The following AGTPBP1 variants were observed in gnomAD, a reference collection of about 807,000 sequenced individuals.
AGTPBP1 encodes the protein cytosolic carboxypeptidase 1.
A neutral mutation model predicts 143.9 loss-of-function variants in AGTPBP1; 70 were observed. That is an observed-to-expected ratio of 0.49 (90% CI 0.40 to 0.59). AGTPBP1 has a LOEUF of 0.59. AGTPBP1 is among the 20% of genes least tolerant of loss of function. The pLI is 0.00. For missense variants in AGTPBP1, 1,229 were observed against 1,464.5 expected (o/e 0.84, Z 2.62); for synonymous variants, 463 against 500.2 (o/e 0.93, Z 0.99).
chr9:85,802,228 T>C, the AGTPBP1 span, among the ~76,000 whole-genome samples: 2 of 152,062 alleles, frequency 1.3e-5, no homozygotes, highest in African/African-American at 4.8e-5. Context: ...AAACACCAAT[T>C]CAGTCACTCT....
chr9:85,605,123 T>C (rs1829913346), intron 17 of AGTPBP1, among the ~76,000 whole-genome samples: 1 of 152,118 alleles, frequency 6.6e-6, no homozygotes, highest in African/African-American at 2.4e-5. Context: ...GATATCAACA[T>C]TCAAGTACAA....
At chr9:85,556,632 G>A (rs1826360458) in intron 25 of AGTPBP1, among the ~76,000 whole-genome samples, 1 of 152,060 alleles carries the variant, frequency 6.6e-6, no homozygotes, top group South Asian at 2.1e-4. Context: ...GGATGGAAAA[G>A]ATATTATGCA....
chr9:85,695,657 A>T (rs1193904965), intron 2 of AGTPBP1, among the ~76,000 whole-genome samples: 1 of 152,216 alleles, frequency 6.6e-6, no homozygotes, highest in Non-Finnish European at 1.5e-5. Flanking sequence ...TGTGTGCATA[A>T]AATCATTTCT....
intron 8 of AGTPBP1, among the ~76,000 whole-genome samples, chr9:85,666,186 C>G (rs1834121480): frequency 6.6e-6 from 1 of 152,072 alleles, no homozygotes; most frequent in African/African-American, 2.4e-5. Context: ...CATCTACTTT[C>G]AATTCTGGGT....
chr9:85,690,559 A>G (rs1354895634), intron 3 of AGTPBP1, among the ~76,000 whole-genome samples: 1 of 150,866 alleles, frequency 6.6e-6, no homozygotes, highest in Admixed American at 6.6e-5. Flanking sequence ...TGGTGGAAAG[A>G]GGGTCATTCT....
At chr9:85,596,237 AAG>A (rs1829292603) in intron 18 of AGTPBP1, 123 bp downstream of exon 18, 5 of 641,332 alleles carry the variant, frequency 7.8e-6, no homozygotes, top group Non-Finnish European at 1.3e-5. Flanking sequence ...AGAATTACTA[AAG>A]CATAGCACCA....
rs138962853 is a variant in AGTPBP1 at position 85,699,127 on chromosome 9, C to T, written c.33-6314G>A. Reference sequence around the variant, plus strand: ...CATCAAATCAAGTTAACTTCAAATGCATATTTTTTTAAATAATTTCATTTA... The same window carrying T: ...CATCAAATCAAGTTAACTTCAAATGTATATTTTTTTAAATAATTTCATTTA... On this transcript the variant is annotated intron_variant, in intron 2 of 25. Coordinates refer to ENST00000357081, the MANE Select transcript of AGTPBP1 (RefSeq NM_001330701.2). Among the ~76,000 whole-genome samples, 43 of 151,886 alleles carry T rather than the reference C, an allele frequency of 2.8e-4. No homozygotes were observed. The East Asian group carries it at 7.9e-3, about 28-fold the overall frequency.
intron 11 of AGTPBP1, among the ~76,000 whole-genome samples, chr9:85,653,897 C>A (rs1446130393): frequency 6.6e-6 from 1 of 152,218 alleles, no homozygotes; most frequent in Non-Finnish European, 1.5e-5. Flanking sequence ...TATTGGACCA[C>A]TGCTTTTACT....
intron 7 of AGTPBP1, 98 bp downstream of exon 7, chr9:85,672,452 T>TTCACAAATATCTCC: frequency 7.4e-7 from 1 of 1,352,326 alleles, no homozygotes; most frequent in Admixed American, 2.3e-5. Context: ...TCTTTCCTTT[T>TTCACAAATATCTCC]TCACAAATAT....
At chr9:85,623,094 T>C (rs1172508419) in intron 14 of AGTPBP1, among the ~76,000 whole-genome samples, 1 of 152,056 alleles carries the variant, frequency 6.6e-6, no homozygotes, top group Non-Finnish European at 1.5e-5. Context: ...CCAGCAGGTA[T>C]GAGAACTGAG....
At chr9:85,646,242 T>C in intron 12 of AGTPBP1, 79 bp downstream of exon 12, 1 of 908,646 alleles carries the variant, frequency 1.1e-6, no homozygotes, top group Non-Finnish European at 1.7e-6. Flanking sequence ...ATTACATATA[T>C]ATTTATTTAC....
intron 11 of AGTPBP1, among the ~76,000 whole-genome samples, chr9:85,649,814 G>A (rs1462085111): frequency 6.6e-6 from 1 of 152,040 alleles, no homozygotes; most frequent in Non-Finnish European, 1.5e-5. Context: ...TTGATCTACT[G>A]ATAATATATT....
At chr9:85,715,427 C>T (rs895576633) in intron 1 of AGTPBP1, among the ~76,000 whole-genome samples, 7 of 151,992 alleles carry the variant, frequency 4.6e-5, no homozygotes, top group African/African-American at 1.7e-4. Flanking sequence ...GAAACAAGGA[C>T]GACAGAGGAA....
the AGTPBP1 span, among the ~76,000 whole-genome samples, chr9:85,770,097 A>G: frequency 2.1e-5 from 3 of 143,886 alleles, no homozygotes; most frequent in African/African-American, 5.5e-5. Flanking sequence ...GTGTATGTGT[A>G]TGTATACACA....
chr9:85,657,036 G>T (rs138698485), intron 10 of AGTPBP1, among the ~76,000 whole-genome samples: 13 of 152,070 alleles, frequency 8.5e-5, no homozygotes, highest in African/African-American at 2.2e-4. Context: ...GTTGTGGGGT[G>T]GGGGGAGAGG....
chr9:85,580,630 T>C (rs556557159), intron 23 of AGTPBP1, among the ~76,000 whole-genome samples: 11 of 152,324 alleles, frequency 7.2e-5, no homozygotes, highest in South Asian at 4.1e-4. Flanking sequence ...GCAAAGATGA[T>C]AGTACAATGT....
chr9:85,587,203 A>G (rs1427827138), intron 21 of AGTPBP1, among the ~76,000 whole-genome samples: 2 of 152,186 alleles, frequency 1.3e-5, no homozygotes, highest in African/African-American at 2.4e-5. Flanking sequence ...AAGTTTTCAG[A>G]TTCATAATCA....
chr9:85,640,622 C>T (rs1832400656), intron 13 of AGTPBP1, among the ~76,000 whole-genome samples: 1 of 152,182 alleles, frequency 6.6e-6, no homozygotes, highest in South Asian at 2.1e-4. Context: ...AACTAATGGA[C>T]AAGTTGGCCA....
chr9:85,754,665 T>C, the AGTPBP1 span, among the ~76,000 whole-genome samples: 1 of 152,190 alleles, frequency 6.6e-6, no homozygotes, highest in Admixed American at 6.5e-5. Context: ...CAAAAAATAC[T>C]GTATTTAAAA....
Sources: gnomAD v4.1 joint callset for allele counts (sites outside exome capture counted in the v4.1 genomes callset) on GRCh38, gnomAD v4.1.1 for gene constraint, MANE v1.5 for transcripts, NCBI Gene and HGNC (gene_info 2026-07-23, HGNC 2026-07-21) for gene names.